AGMO: variants seen among roughly 807,000 people sequenced by gnomAD.
AGMO encodes the protein alkylglycerol monooxygenase.
Under a neutral mutation model 60.2 loss-of-function variants are expected in AGMO, and 75 were observed. The observed-to-expected ratio is 1.25, with a 90% confidence interval of 1.03 to 1.51. AGMO has a LOEUF of 1.51. AGMO is among the 40% of genes most tolerant of loss of function. The pLI, the probability that AGMO is intolerant of heterozygous loss-of-function variation, is 0.00. For synonymous variants in AGMO, 261 were observed against 177.1 expected (o/e 1.47, Z -3.76); for missense variants, 763 against 525.5 (o/e 1.45, Z -4.42).
intron 12 of AGMO, among the ~76,000 whole-genome samples, chr7:15,332,435 T>C (rs1003777822): frequency 3.9e-5 from 6 of 152,184 alleles, no homozygotes; most frequent in South Asian, 2.1e-4. Context: ...CACCATGTTT[T>C]CAGACACTGG....
At chr7:15,503,283 C>T (rs527337260) in intron 3 of AGMO, among the ~76,000 whole-genome samples, 1 of 151,908 alleles carries the variant, frequency 6.6e-6, no homozygotes, top group East Asian at 1.9e-4. Context: ...CTCACAAGCA[C>T]CTTGAGAGGG....
chr7:15,269,525 G>C (rs989577221), intron 12 of AGMO, among the ~76,000 whole-genome samples: 1 of 152,038 alleles, frequency 6.6e-6, no homozygotes, highest in African/African-American at 2.4e-5. Flanking sequence ...ATGAAAGGGA[G>C]ATTATCCAGA....
chr7:15,274,326 A>T (rs1337634022), intron 12 of AGMO, among the ~76,000 whole-genome samples: 1 of 152,170 alleles, frequency 6.6e-6, no homozygotes, highest in Admixed American at 6.5e-5. Flanking sequence ...TTTTAGCATG[A>T]AGGGCTGTTG....
At chr7:15,393,964 C>T (rs1267687760) in intron 6 of AGMO, 149 bp downstream of exon 6, 6 of 327,846 alleles carry the variant, frequency 1.8e-5, no homozygotes, top group Non-Finnish European at 3.2e-5. Context: ...GAGGCTTGTA[C>T]CAAAGAAGAT....
chr7:15,392,319 G>T (rs55836718), intron 6 of AGMO, among the ~76,000 whole-genome samples: 54,554 of 150,586 alleles, frequency 0.36, 10,334 homozygotes, highest in African/African-American at 0.49. Flanking sequence ...CGTGATCCGC[G>T]ATCCGCCTCC....
chr7:15,267,025 A>G (rs1342668130), intron 12 of AGMO, among the ~76,000 whole-genome samples: 1 of 151,992 alleles, frequency 6.6e-6, no homozygotes, highest in African/African-American at 2.4e-5. Context: ...AGAGAACATA[A>G]AGAAAATGAA....
At chr7:15,519,636 T>G (rs1198210340) in intron 3 of AGMO, among the ~76,000 whole-genome samples, 3 of 152,100 alleles carry the variant, frequency 2.0e-5, no homozygotes, top group African/African-American at 7.2e-5. Context: ...AGGCCTGCCT[T>G]ACAAGAGCTC....
intron 12 of AGMO, among the ~76,000 whole-genome samples, chr7:15,235,276 C>T (rs546028627): frequency 2.6e-5 from 4 of 152,200 alleles, no homozygotes; most frequent in East Asian, 3.9e-4. Flanking sequence ...TCCCCATTGG[C>T]GCTTTCCTTA....
At chr7:15,478,239 T>C (rs1033532077) in intron 3 of AGMO, among the ~76,000 whole-genome samples, 1 of 152,172 alleles carries the variant, frequency 6.6e-6, no homozygotes, top group Non-Finnish European at 1.5e-5. Flanking sequence ...GTTGAATTCA[T>C]GCACTCGACT....
chr7:15,269,999 T>C (rs1475768662), intron 12 of AGMO, among the ~76,000 whole-genome samples: 2 of 152,146 alleles, frequency 1.3e-5, no homozygotes, highest in South Asian at 2.1e-4. Context: ...CATTGTTTAA[T>C]CCAGTCAACC....
intron 12 of AGMO, among the ~76,000 whole-genome samples, chr7:15,287,626 T>G (rs1784135812): frequency 6.6e-6 from 1 of 152,212 alleles, no homozygotes; most frequent in African/African-American, 2.4e-5. Flanking sequence ...AAGTGAGTTG[T>G]ATCAATTTAA....
intron 3 of AGMO, among the ~76,000 whole-genome samples, chr7:15,468,097 C>T (rs1022574106): frequency 5.3e-5 from 8 of 152,274 alleles, no homozygotes; most frequent in Non-Finnish European, 8.8e-5. Context: ...GTGGGCAATT[C>T]ACTAAATTTT....
intron 12 of AGMO, among the ~76,000 whole-genome samples, chr7:15,214,863 A>C (rs1299806813): frequency 1.3e-5 from 2 of 152,084 alleles, no homozygotes; most frequent in Non-Finnish European, 1.5e-5. Context: ...AAGAATATTT[A>C]GTTTGCCTTC....
At chr7:15,273,324 C>A (rs569337400) in intron 12 of AGMO, among the ~76,000 whole-genome samples, 1 of 152,298 alleles carries the variant, frequency 6.6e-6, no homozygotes, top group South Asian at 2.1e-4. Context: ...AGGAAGGGAT[C>A]TAGTTTCAGC....
rs68035854 is a variant in AGMO, at chr7:15,531,476, CTCTATATATAT to C, written c.409+13285_409+13295del. Among the ~76,000 whole-genome samples the C allele has an allele frequency of 8.3e-3, 259 of 31,174 alleles. 83 individuals carry two copies. Among genetic ancestry groups the C allele is most frequent in the East Asian group, 0.012 (9 of 734 alleles). The allele number at this position is 31,174 out of a possible 152,430, so 20.5% of individuals were successfully genotyped here. On this transcript the variant is annotated intron_variant, in intron 3 of 12. Coordinates refer to ENST00000342526, the MANE Select transcript of AGMO (RefSeq NM_001004320.2). ...TCTCTATATATATTCTATATATATT[CTCTATATATAT>C]TCTATATATATTCTATATATATTCT...
chr7:15,266,327 C>G (rs746802946), intron 12 of AGMO, among the ~76,000 whole-genome samples: 1 of 151,744 alleles, frequency 6.6e-6, no homozygotes, highest in Non-Finnish European at 1.5e-5. Flanking sequence ...AAATGTACAT[C>G]CTCTCATTGA....
chr7:15,117,968 A>G, the AGMO span, among the ~76,000 whole-genome samples: 1 of 152,036 alleles, frequency 6.6e-6, no homozygotes, highest in African/African-American at 2.4e-5. Context: ...ATTTCACCCA[A>G]CAATGGCATT....
At chr7:15,349,240 G>T (rs754415018) in intron 12 of AGMO, among the ~76,000 whole-genome samples, 1 of 152,072 alleles carries the variant, frequency 6.6e-6, no homozygotes, top group African/African-American at 2.4e-5. Context: ...ACTGGCTTTG[G>T]TATTTCAATA....
intron 3 of AGMO, among the ~76,000 whole-genome samples, chr7:15,507,679 G>A (rs1036500698): frequency 6.6e-6 from 1 of 152,076 alleles, no homozygotes; most frequent in African/African-American, 2.4e-5. Flanking sequence ...TTATGACACA[G>A]TGGTAAGTTT....
Sources: allele counts gnomAD v4.1 joint callset (sites outside exome capture counted in the v4.1 genomes callset), GRCh38; gene constraint gnomAD v4.1.1; transcripts MANE v1.5; gene names NCBI Gene and HGNC (gene_info 2026-07-23, HGNC 2026-07-21).